The following ABTB2 variants were observed in gnomAD, a reference collection of about 807,000 sequenced individuals.
ABTB2 encodes the protein ankyrin repeat and BTB/POZ domain-containing protein 2.
A neutral mutation model predicts 104.1 loss-of-function variants in ABTB2; 56 were observed. That is an observed-to-expected ratio of 0.54 (90% confidence interval 0.43 to 0.67). The LOEUF (loss-of-function observed/expected upper bound fraction) is 0.67, where lower values mean the gene tolerates loss of function less well. Ranked by LOEUF, ABTB2 falls within the 30% of genes least tolerant of loss-of-function variation. The pLI is 0.00. For synonymous variants in ABTB2, 606 were observed against 608.2 expected (o/e 1.00, Z 0.05); for missense variants, 1,279 against 1,407.7 (o/e 0.91, Z 1.46).
At chr11:34,269,568 G>A (rs914059350) in intron 1 of ABTB2, among the ~76,000 whole-genome samples, 2 of 152,236 alleles carry the variant, frequency 1.3e-5, no homozygotes, top group African/African-American at 4.8e-5. Context: ...CTCGTCTGTT[G>A]TAGAGCAAGA....
At chr11:34,153,759 G>A (rs1187548920) in intron 16 of ABTB2, among the ~76,000 whole-genome samples, 3 of 152,194 alleles carry the variant, frequency 2.0e-5, no homozygotes, top group Non-Finnish European at 2.9e-5. Flanking sequence ...AGGGCAAGGC[G>A]AGGGCAGTGG....
At chr11:34,271,551 C>A (rs1242353419) in intron 1 of ABTB2, among the ~76,000 whole-genome samples, 3 of 152,100 alleles carry the variant, frequency 2.0e-5, no homozygotes, top group Admixed American at 6.6e-5. Context: ...CTACCCTGGG[C>A]AACACAGGGA....
chr11:34,167,818 C>T (rs1565130147), intron 6 of ABTB2, 85 bp downstream of exon 6: 2 of 1,416,758 alleles, frequency 1.4e-6, no homozygotes, highest in Non-Finnish European at 9.9e-7. Flanking sequence ...TTGCCCAAAA[C>T]ATCACGCCCA....
rs1855464169 is a variant in ABTB2 at position 34,356,343 on chromosome 11, T to A, written c.883+358A>T. Among the ~76,000 whole-genome samples the A allele has an allele frequency of 6.6e-6, 1 of 152,266 alleles. No individual in the cohort carries two copies. Among genetic ancestry groups the A allele is most frequent in the South Asian group, 2.1e-4 (1 of 4,822 alleles). ...CCAGCTGTTGGGGAAAGACAGCAGC[T>A]AGAGACCTAGTCAATCACGGTAAAG... On this transcript the variant is annotated intron_variant, in intron 1 of 16. Transcript: ENST00000435224. The surrounding 1 kb of genome is among the most constrained non-coding windows in gnomAD (Gnocchi z 4.6).
At chr11:34,305,600 A>G (rs541630089) in intron 1 of ABTB2, among the ~76,000 whole-genome samples, 1 of 152,216 alleles carries the variant, frequency 6.6e-6, no homozygotes, top group Non-Finnish European at 1.5e-5. Context: ...GAGGCAAAAG[A>G]TCTGATATCT....
chr11:34,286,790 C>G (rs1854511399), intron 1 of ABTB2, among the ~76,000 whole-genome samples: 1 of 152,178 alleles, frequency 6.6e-6, no homozygotes. Flanking sequence ...CATGTCTCCC[C>G]TTGGAGGCTT....
At chr11:34,208,432 C>T (rs938394879) in intron 1 of ABTB2, among the ~76,000 whole-genome samples, 6 of 152,172 alleles carry the variant, frequency 3.9e-5, no homozygotes, top group African/African-American at 7.2e-5. Flanking sequence ...CCGCATGCAC[C>T]ACCCTGTACC....
intron 1 of ABTB2, among the ~76,000 whole-genome samples, chr11:34,348,091 AAAG>A (rs1356958698): frequency 6.6e-6 from 1 of 152,218 alleles, no homozygotes; most frequent in Non-Finnish European, 1.5e-5. Flanking sequence ...TTCAACAAGA[AAAG>A]AAGGGTTGAT....
intron 1 of ABTB2, among the ~76,000 whole-genome samples, chr11:34,328,806 T>C (rs1269119): frequency 0.4 from 60,409 of 152,032 alleles, 13,783 homozygotes; most frequent in Middle Eastern, 0.52. Context: ...ATTGGCCACT[T>C]AGCCATCCAG....
At chr11:34,285,074 G>A (rs1388049619) in intron 1 of ABTB2, among the ~76,000 whole-genome samples, 1 of 152,206 alleles carries the variant, frequency 6.6e-6, no homozygotes, top group Admixed American at 6.5e-5. Flanking sequence ...TCCTGGGGTC[G>A]CTGTGGCCCA....
chr11:34,161,109 T>C (rs1277919435), intron 10 of ABTB2, 28 bp from the exon 11 acceptor site: 2 of 1,582,356 alleles, frequency 1.3e-6, no homozygotes, highest in African/African-American at 2.7e-5. Context: ...GGGCAGGCAG[T>C]CACGCACCAC....
At chr11:34,194,656 C>T (rs1365588252) in intron 3 of ABTB2, among the ~76,000 whole-genome samples, 2 of 151,596 alleles carry the variant, frequency 1.3e-5, no homozygotes, top group Non-Finnish European at 2.9e-5. Context: ...TGTCAGTGAG[C>T]CAGAGGGCAG....
chr11:34,331,532 T>C (rs1270463971), intron 1 of ABTB2, among the ~76,000 whole-genome samples: 2 of 152,204 alleles, frequency 1.3e-5, no homozygotes, highest in African/African-American at 2.4e-5. Context: ...ACTGGAGCAA[T>C]TTGGCATGCT....
chr11:34,203,401 C>T (rs1853368328), intron 2 of ABTB2, among the ~76,000 whole-genome samples: 1 of 152,170 alleles, frequency 6.6e-6, no homozygotes. Flanking sequence ...GGGGCTGTGT[C>T]CCTTACTGTC....
chr11:34,357,129 T>C lies in ABTB2; in HGVS notation c.455A>G (p.Lys152Arg). The change falls in exon 1 of 17, where the codon AAG (lysine) becomes AGG (arginine). Residue 152 changes from lysine to arginine, a missense_variant. Lys to Arg is a conservative substitution (Grantham distance 26). Transcript: ENST00000435224. ...GCTCTGCACCTCAAAGCGGGTGCAC[T>C]TGGCGTGCAGCACGCTCAGGCGCTG... ...EAQRLSVLHAKCTRFEVQSAV... is the reference protein window; with the variant it reads ...EAQRLSVLHARCTRFEVQSAV... 1 of 1,508,000 alleles carries C rather than the reference T, an allele frequency of 6.6e-7. No homozygotes were observed. Among genetic ancestry groups the C allele is most frequent in the Non-Finnish European group, 8.8e-7 (1 of 1,134,308 alleles). 93.4% of individuals were successfully genotyped at this position (1,508,000 alleles called of 1,614,324 possible).
chr11:34,300,291 C>T (rs1019290644), intron 1 of ABTB2, among the ~76,000 whole-genome samples: 1 of 152,170 alleles, frequency 6.6e-6, no homozygotes, highest in African/African-American at 2.4e-5. Context: ...TTTCAATTTC[C>T]AAAGCCATGA....
At chr11:34,329,362 C>T (rs1273781885) in intron 1 of ABTB2, among the ~76,000 whole-genome samples, 1 of 152,206 alleles carries the variant, frequency 6.6e-6, no homozygotes, top group Non-Finnish European at 1.5e-5. Flanking sequence ...CATCTTCCAT[C>T]CCACTTCCCA....
intron 1 of ABTB2, among the ~76,000 whole-genome samples, chr11:34,323,268 C>A (rs1365465267): frequency 6.6e-6 from 1 of 152,132 alleles, no homozygotes; most frequent in Non-Finnish European, 1.5e-5. Context: ...GTCATGATGT[C>A]TGGGATTTGC....
At chr11:34,185,177 GAA>G (rs1223388543) in intron 3 of ABTB2, among the ~76,000 whole-genome samples, 1 of 152,336 alleles carries the variant, frequency 6.6e-6, no homozygotes, top group East Asian at 1.9e-4. Flanking sequence ...ATTGTCAGCT[GAA>G]GAGTTTCTAG....
Sources: allele counts gnomAD v4.1 joint callset (sites outside exome capture counted in the v4.1 genomes callset), GRCh38; gene constraint gnomAD v4.1.1; non-coding constraint Gnocchi (gnomAD v3.1); transcripts MANE v1.5; gene names NCBI Gene and HGNC (gene_info 2026-07-23, HGNC 2026-07-21).